The following CHN1 variants were observed in gnomAD, a reference collection of about 807,000 sequenced individuals.
The protein encoded by CHN1 is chimerin 1, also known as N-chimaerin.
Under a neutral mutation model 59.5 loss-of-function variants are expected in CHN1, and 37 were observed. That is an observed-to-expected ratio of 0.62 (90% CI 0.48 to 0.82). The LOEUF (loss-of-function observed/expected upper bound fraction) is 0.82. Ranked by LOEUF, CHN1 falls within the 40% of genes least tolerant of loss-of-function variation. The pLI is 0.00. For missense variants in CHN1, 469 were observed against 571.0 expected, an observed-to-expected ratio of 0.82 and a Z score of 1.82; for synonymous variants, 206 against 200.4, an observed-to-expected ratio of 1.03 and a Z score of -0.24.
At chr2:174,813,717 T>A (rs898622285) in intron 8 of CHN1, among the ~76,000 whole-genome samples, 5 of 152,240 alleles carry the variant, frequency 3.3e-5, no homozygotes, top group African/African-American at 1.2e-4. Flanking sequence ...ATAAAAACTT[T>A]ATGTTGACCT....
At chr2:174,801,580 A>C (rs1244624675) in intron 12 of CHN1, 127 bp downstream of exon 12, 2 of 640,614 alleles carry the variant, frequency 3.1e-6, no homozygotes, top group Non-Finnish European at 5.4e-6. Flanking sequence ...ATTTCACAAA[A>C]GACAATATAG....
At chr2:175,001,632 A>G (rs914590262) in intron 1 of CHN1, among the ~76,000 whole-genome samples, 9 of 152,230 alleles carry the variant, frequency 5.9e-5, no homozygotes, top group African/African-American at 2.2e-4. Flanking sequence ...GGTGAGCAGC[A>G]ACGCCAGAGG....
intron 6 of CHN1, among the ~76,000 whole-genome samples, chr2:174,864,052 C>T (rs1474066472): frequency 1.3e-5 from 2 of 152,044 alleles, no homozygotes; most frequent in Non-Finnish European, 2.9e-5. Context: ...GATTTCTCTT[C>T]TTCTGAGAGA....
At chr2:174,973,944 A>G (rs1690840274) in intron 1 of CHN1, among the ~76,000 whole-genome samples, 1 of 152,236 alleles carries the variant, frequency 6.6e-6, no homozygotes, top group African/African-American at 2.4e-5. Flanking sequence ...ATGTGAATTA[A>G]AGTACTACAA....
At chr2:175,004,002 G>A (rs2105478023) in intron 1 of CHN1, among the ~76,000 whole-genome samples, 1 of 152,316 alleles carries the variant, frequency 6.6e-6, no homozygotes, top group South Asian at 2.1e-4. Flanking sequence ...TTGATATTGT[G>A]AATAACTTAC....
intron 5 of CHN1, among the ~76,000 whole-genome samples, chr2:174,912,841 C>T (rs545072745): frequency 5.9e-5 from 9 of 152,090 alleles, no homozygotes; most frequent in Non-Finnish European, 1.3e-4. Context: ...CATTACAGCC[C>T]CTTTTTACTC....
chr2:174,820,844 AG>A (rs1685464655), intron 8 of CHN1, among the ~76,000 whole-genome samples: 1 of 152,182 alleles, frequency 6.6e-6, no homozygotes, highest in Non-Finnish European at 1.5e-5. Flanking sequence ...TGTTTAAAAA[AG>A]GGCTGTGGCG....
chr2:174,941,686 T>C (rs1222125824), intron 3 of CHN1, among the ~76,000 whole-genome samples: 1 of 152,194 alleles, frequency 6.6e-6, no homozygotes, highest in Non-Finnish European at 1.5e-5. Context: ...ATTGTTTTAC[T>C]GGTCTCTGGT....
At chr2:174,813,684 AT>A (rs1226332118) in intron 8 of CHN1, among the ~76,000 whole-genome samples, 10 of 152,338 alleles carry the variant, frequency 6.6e-5, no homozygotes, top group African/African-American at 2.2e-4. Flanking sequence ...TTTAAAAAAA[AT>A]AACCCATTTG....
chr2:174,837,597 T>C (rs947501442), intron 7 of CHN1, among the ~76,000 whole-genome samples: 7 of 152,194 alleles, frequency 4.6e-5, no homozygotes, highest in South Asian at 4.1e-4. Context: ...GATGATATGG[T>C]GGTTCTTCAA....
intron 3 of CHN1, among the ~76,000 whole-genome samples, chr2:174,936,406 T>C (rs1288544677): frequency 6.6e-6 from 1 of 152,182 alleles, no homozygotes; most frequent in Non-Finnish European, 1.5e-5. Context: ...CATATCTCTA[T>C]CTGAATTAGA....
intron 6 of CHN1, among the ~76,000 whole-genome samples, chr2:174,863,596 TA>T (rs1448435222): frequency 2.0e-5 from 3 of 152,204 alleles, no homozygotes; most frequent in East Asian, 3.9e-4. Flanking sequence ...TCCAATATAG[TA>T]AATATCAACA....
At chr2:174,911,554 C>T (rs143521142) in intron 5 of CHN1, among the ~76,000 whole-genome samples, 22 of 152,208 alleles carry the variant, frequency 1.4e-4, no homozygotes, top group African/African-American at 4.1e-4. Flanking sequence ...CCAGACAAGG[C>T]TCAGCCTAAA....
intron 2 of CHN1, among the ~76,000 whole-genome samples, chr2:174,946,676 C>G (rs559847393): frequency 6.6e-6 from 1 of 152,020 alleles, no homozygotes; most frequent in South Asian, 2.1e-4. Context: ...ATTTGTCTGG[C>G]CCTGATAATG....
chr2:174,894,107 C>T (rs1688135876), intron 5 of CHN1, among the ~76,000 whole-genome samples: 1 of 149,460 alleles, frequency 6.7e-6, no homozygotes, highest in Admixed American at 6.9e-5. Flanking sequence ...AGAGCAAAAA[C>T]AGACAAATGG....
intron 5 of CHN1, among the ~76,000 whole-genome samples, chr2:174,893,640 C>T (rs1034330300): frequency 6.6e-6 from 1 of 152,108 alleles, no homozygotes; most frequent in Non-Finnish European, 1.5e-5. Flanking sequence ...TTCTGAAATT[C>T]ATATGAAATC....
In CHN1 at chr2:174,947,622, T is replaced by G. The variant is rs369156237; in HGVS notation, c.59-2679A>C. Among the ~76,000 whole-genome samples, 60 of 151,952 alleles carry G rather than the reference T, an allele frequency of 3.9e-4. 1 individual carries two copies. Among genetic ancestry groups the G allele is most frequent in the African/African-American group, 1.4e-3 (56 of 41,460 alleles). ...GCCGCAGAACCCAAGTAGCTGGGAC[T>G]ACAGGCACACACCACCACGTCAAGC... On this transcript the variant is annotated intron_variant, in intron 2 of 12. Coordinates refer to ENST00000409900, the MANE Select transcript of CHN1 (RefSeq NM_001822.7).
intron 6 of CHN1, among the ~76,000 whole-genome samples, chr2:174,874,250 G>C (rs1001516654): frequency 6.6e-6 from 1 of 152,150 alleles, no homozygotes; most frequent in Non-Finnish European, 1.5e-5. Context: ...TTCAAATACA[G>C]TTCCAAGATA....
chr2:174,908,776 C>G (rs969109229), intron 5 of CHN1, among the ~76,000 whole-genome samples: 2 of 152,050 alleles, frequency 1.3e-5, no homozygotes, highest in African/African-American at 4.8e-5. Context: ...TTTCAATTGT[C>G]CAATTTAACA....
Sources: gnomAD v4.1 joint callset for allele counts (sites outside exome capture counted in the v4.1 genomes callset) on GRCh38, gnomAD v4.1.1 for gene constraint, MANE v1.5 for transcripts, NCBI Gene and HGNC (gene_info 2026-07-23, HGNC 2026-07-21) for gene names.